SEC23B: variants seen among roughly 807,000 people sequenced by gnomAD.
SEC23B encodes SEC23 homolog B, COPII component.
SEC23B carries 77 observed loss-of-function variants against 104.3 expected under a neutral mutation model. The observed-to-expected ratio is 0.74, with a 90% CI of 0.61 to 0.89. The LOEUF (loss-of-function observed/expected upper bound fraction) is 0.89, where lower values mean the gene tolerates loss of function less well. Among genes scored for constraint, SEC23B ranks in the 40% least tolerant of loss-of-function variants. The probability of loss-of-function intolerance (pLI) is 0.00; values close to 1 mark genes in which losing one functional copy is unlikely to be tolerated. For synonymous variants in SEC23B, 338 were observed against 332.5 expected (o/e 1.02, Z -0.18); for missense variants, 885 against 949.4 (o/e 0.93, Z 0.89).
chr20:18,538,940 T>C (rs1402815830), intron 12 of SEC23B, among the ~76,000 whole-genome samples: 1 of 151,640 alleles, frequency 6.6e-6, no homozygotes, highest in Non-Finnish European at 1.5e-5. Context: ...GTGTGATGGC[T>C]CCCGCCTGTA....
At chr20:18,539,007 C>T (rs2060262076) in intron 12 of SEC23B, among the ~76,000 whole-genome samples, 1 of 147,522 alleles carries the variant, frequency 6.8e-6, no homozygotes, top group East Asian at 2.0e-4. Flanking sequence ...AGTTCGAGAC[C>T]AGCCTGAACA....
chr20:18,522,026 A>T (rs2060088408), intron 4 of SEC23B, among the ~76,000 whole-genome samples: 1 of 152,204 alleles, frequency 6.6e-6, no homozygotes, highest in South Asian at 2.1e-4. Context: ...CTTAGATTTT[A>T]GGTCAGATGA....
chr20:18,515,969 CCTT>C (rs2060021013), intron 4 of SEC23B: 1 of 503,256 alleles, frequency 2.0e-6, no homozygotes, highest in South Asian at 2.1e-5. Flanking sequence ...TTCTCTGTAG[CCTT>C]CTTCATCTCA....
rs2059974703 is a variant in SEC23B at position 18,510,830 on chromosome 20, T to C, written c.-6T>C. 1 of 1,613,206 alleles carries C rather than the reference T, an allele frequency of 6.2e-7. No individual in the cohort carries two copies. Among genetic ancestry groups the C allele is most frequent in the Non-Finnish European group, 8.5e-7 (1 of 1,179,098 alleles). On this transcript the variant is annotated 5_prime_UTR_variant, in exon 2 of 20. Coordinates refer to ENST00000650089, the MANE Select transcript of SEC23B (RefSeq NM_006363.6). Reference sequence around the variant, plus strand: ...TAAAGTTTTATCTTCAGTTCCCTTTTAGACTATGGCGACATACCTGGAGTT... The same window carrying C: ...TAAAGTTTTATCTTCAGTTCCCTTTCAGACTATGGCGACATACCTGGAGTT...
chr20:18,530,852 G>T, intron 10 of SEC23B, 49 bp downstream of exon 10: 2 of 1,507,446 alleles, frequency 1.3e-6, no homozygotes, highest in South Asian at 1.1e-5. Flanking sequence ...GTACTGCCCA[G>T]GCTGGTCTCA....
intron 11 of SEC23B, among the ~76,000 whole-genome samples, chr20:18,534,396 G>A (rs2060210549): frequency 6.6e-6 from 1 of 152,150 alleles, no homozygotes; most frequent in African/African-American, 2.4e-5. Context: ...TTTGTAAAGT[G>A]AGAGTCTGGG....
At chr20:18,553,624 C>T (rs567866926) in intron 17 of SEC23B, among the ~76,000 whole-genome samples, 1 of 152,292 alleles carries the variant, frequency 6.6e-6, no homozygotes, top group South Asian at 2.1e-4. Context: ...GGAGACAGAT[C>T]GTCTGCTTTC....
At chr20:18,518,570 G>GGCTGGAA (rs1331647614) in intron 4 of SEC23B, among the ~76,000 whole-genome samples, 1 of 140,242 alleles carries the variant, frequency 7.1e-6, no homozygotes, top group Non-Finnish European at 1.6e-5. Flanking sequence ...GGGCCTGTGA[G>GGCTGGAA]GCTGGAAGGA....
Position 18,554,307 on chromosome 20 carries a change from G to A in SEC23B, c.2065G>A (p.Ala689Thr). 2 of 1,614,148 alleles carry A rather than the reference G, an allele frequency of 1.2e-6. No individual in the cohort carries two copies. The highest frequency in any genetic ancestry group is 1.7e-6 in the Non-Finnish European group (2 of 1,180,032). ...EYENFKHLLQ[A>T]PLDDAQEILQ... Reference sequence around the variant, plus strand: ...TGAAAACTTCAAGCACCTTCTGCAGGCACCACTGGATGATGCTCAAGAAAT... The same window carrying A: ...TGAAAACTTCAAGCACCTTCTGCAGACACCACTGGATGATGCTCAAGAAAT... The change falls in exon 18 of 20, where the codon GCA becomes ACA. Residue 689 changes from alanine to threonine, a missense_variant. Ala to Thr is a moderately conservative substitution (Grantham distance 58). Transcript: ENST00000650089.
At chr20:18,546,912 T>C (rs1029355538) in intron 15 of SEC23B, among the ~76,000 whole-genome samples, 1 of 145,750 alleles carries the variant, frequency 6.9e-6, no homozygotes, top group East Asian at 1.9e-4. Flanking sequence ...AGTTTTTTTT[T>C]TTTTTTTTTT....
At position 18,554,282 on chromosome 20, in the gene SEC23B, T is replaced by C. The variant is rs754978684; in HGVS notation, c.2040T>C (p.Tyr680=). ...CTGGCTACCAGGACATGCCCGAGTA[T>C]GAAAACTTCAAGCACCTTCTGCAGG... ...RKAGYQDMPE[Y]ENFKHLLQAP... The change falls in exon 18 of 20, where the codon TAT becomes TAC. Residue 680 remains tyrosine, a synonymous_variant. Transcript: ENST00000650089. 8.1e-6 allele frequency: 13 copies of C among 1,614,146 alleles called. No homozygotes were observed. Among genetic ancestry groups the C allele is most frequent in the Non-Finnish European group, 1.1e-5 (13 of 1,180,020 alleles).
Position 18,524,480 on chromosome 20 carries a change from C to T in SEC23B, c.414C>T (p.Cys138=), listed in dbSNP as rs1346658823. 12 of 1,614,054 alleles carry T rather than the reference C, an allele frequency of 7.4e-6. No individual in the cohort carries two copies. The highest frequency in any genetic ancestry group is 1.1e-5 in the South Asian group (1 of 91,094). Residue 138 remains cysteine (C), a synonymous_variant, in exon 5 of 20, where the codon TGC becomes TGT. Transcript: ENST00000650089. The part of the protein sequence containing the change: ...PLIFLYVVDT[C]LEEDDLQALK... ...TCTTTCTCTATGTGGTTGACACATG[C>T]CTGGAGGAAGATGACCTTCAAGCAC... is the stretch of plus-strand genomic sequence containing the variant.
At position 18,543,156 on chromosome 20, in the gene SEC23B, G is replaced by A. The variant is rs111572459; in HGVS notation, c.1649G>A (p.Arg550Gln). ...EGPDVLRWLD[R>Q]QLIRLCQKFG... ...CCCGATGTGCTCCGGTGGCTGGACC[G>A]ACAACTCATCCGACTGGTAAATTGG... Residue 550 changes from arginine (R) to glutamine (Q), a missense_variant, in exon 14 of 20, where the codon CGA becomes CAA. By Grantham distance (43) the Arg-to-Gln change is conservative (BLOSUM62 1). Transcript: ENST00000650089. 1,296 of 1,614,134 alleles carry A rather than the reference G, an allele frequency of 8.0e-4. 12 individuals are homozygous for A. In the African/African-American group the frequency reaches 0.015, roughly 19 times the overall value.
chr20:18,525,685 C>T, intron 6 of SEC23B, 103 bp from the exon 7 acceptor site: 1 of 1,265,326 alleles, frequency 7.9e-7, no homozygotes, highest in East Asian at 2.4e-5. Context: ...TCAGTTACTA[C>T]TCTGAATAAT....
chr20:18,558,166 G>C (rs887720272), intron 19 of SEC23B, among the ~76,000 whole-genome samples: 2 of 152,144 alleles, frequency 1.3e-5, no homozygotes, highest in African/African-American at 4.8e-5. Context: ...CTGCATATAG[G>C]ATTCTGACTA....
At position 18,519,321 on chromosome 20, in the gene SEC23B, T is replaced by C. The variant is rs530251223; in HGVS notation, c.366+3585T>C. ...TAACTGTGGGAGACTCAACAAAGAG[T>C]GAGTACAGCTGAAGGAGCCGGGGAG... is the stretch of plus-strand genomic sequence containing the variant. On this transcript the variant is annotated intron_variant, in intron 4 of 19. Transcript: ENST00000650089. Among the ~76,000 whole-genome samples the C allele has an allele frequency of 4.7e-3, 718 of 151,436 alleles. 4 individuals carry two copies. The highest frequency in any genetic ancestry group is 0.017 in the African/African-American group (689 of 41,180).
intron 4 of SEC23B, among the ~76,000 whole-genome samples, chr20:18,517,302 G>A (rs1195040937): frequency 6.6e-6 from 1 of 152,184 alleles, no homozygotes; most frequent in Non-Finnish European, 1.5e-5. Flanking sequence ...TGTTTTGTGG[G>A]CAGGAGGTGG....
chr20:18,511,297 G>A (rs2059980163), intron 2 of SEC23B, among the ~76,000 whole-genome samples: 1 of 152,096 alleles, frequency 6.6e-6, no homozygotes, highest in African/African-American at 2.4e-5. Flanking sequence ...GGTAGAGGGA[G>A]AGGATTTGTA....
Position 18,524,431 on chromosome 20 carries a change from A to G in SEC23B, c.367-2A>G. On this transcript the variant is annotated splice_acceptor_variant, in intron 4 of 19. Coordinates refer to ENST00000650089, the MANE Select transcript of SEC23B (RefSeq NM_006363.6). LOFTEE classifies it high-confidence loss of function. Reference sequence around the variant, plus strand: ...CATTATGCTGTTTTTCTTTGCCCAAAGCGAGGTGCTCAGTCCCCTCTGATC... The same window carrying G: ...CATTATGCTGTTTTTCTTTGCCCAAGGCGAGGTGCTCAGTCCCCTCTGATC... 6.2e-7 allele frequency: 1 copy of G among 1,611,770 alleles called. No homozygotes were observed. Among genetic ancestry groups the G allele is most frequent in the South Asian group, 1.1e-5 (1 of 91,034 alleles).
Sources: allele counts gnomAD v4.1 joint callset (sites outside exome capture counted in the v4.1 genomes callset), GRCh38; gene constraint gnomAD v4.1.1; transcripts MANE v1.5; gene names NCBI Gene and HGNC (gene_info 2026-07-23, HGNC 2026-07-21).